AKT3: variants seen among roughly 807,000 people sequenced by gnomAD.
AKT3 encodes AKT serine/threonine kinase 3.
A neutral mutation model predicts 65.3 loss-of-function variants in AKT3; 15 were observed. The ratio of observed to expected loss-of-function variants is 0.23; its 90% CI spans 0.15 to 0.35. The LOEUF (loss-of-function observed/expected upper bound fraction) is 0.35, where lower values mean the gene tolerates loss of function less well. AKT3 is among the 10% of genes least tolerant of loss of function. The pLI, the probability that AKT3 is intolerant of heterozygous loss-of-function variation, is 1.00. For synonymous variants in AKT3, 206 were observed against 183.8 expected (o/e 1.12, Z -0.98); for missense variants, 243 against 576.5 (o/e 0.42, Z 5.92).
intron 13 of AKT3, among the ~76,000 whole-genome samples, chr1:243,491,660 T>C (rs2148281581): frequency 6.6e-6 from 1 of 152,248 alleles, no homozygotes; most frequent in Non-Finnish European, 1.5e-5. Context: ...TGGAATCAGC[T>C]TGAGTTGTGA....
chr1:243,561,425 T>C (rs1178759625), intron 10 of AKT3, among the ~76,000 whole-genome samples: 1 of 152,160 alleles, frequency 6.6e-6, no homozygotes, highest in Non-Finnish European at 1.5e-5. Flanking sequence ...GTTTAAAAAG[T>C]AAAAGTGGGC....
At chr1:243,730,270 C>A (rs1279271140) in intron 2 of AKT3, among the ~76,000 whole-genome samples, 1 of 152,206 alleles carries the variant, frequency 6.6e-6, no homozygotes, top group Non-Finnish European at 1.5e-5. Context: ...GTAAGGACTA[C>A]CCTTAGGAGC....
chr1:243,580,468 C>T (rs913842475), intron 8 of AKT3, among the ~76,000 whole-genome samples: 3 of 152,202 alleles, frequency 2.0e-5, no homozygotes, highest in African/African-American at 7.2e-5. Flanking sequence ...CACATAAAAA[C>T]TCAGCCATTC....
chr1:243,516,985 A>C (rs1670401745), intron 12 of AKT3, among the ~76,000 whole-genome samples: 1 of 152,210 alleles, frequency 6.6e-6, no homozygotes, highest in African/African-American at 2.4e-5. Flanking sequence ...TGTATTTAGT[A>C]CTATAAATTT....
At chr1:243,518,938 GAACA>G (rs757850606) in intron 12 of AKT3, among the ~76,000 whole-genome samples, 47 of 152,122 alleles carry the variant, frequency 3.1e-4, no homozygotes, top group Admixed American at 1.0e-3. Flanking sequence ...ATTGAAGCAA[GAACA>G]AACATGAAAT....
At chr1:243,702,213 A>G (rs116790446) in intron 2 of AKT3, among the ~76,000 whole-genome samples, 4,102 of 152,222 alleles carry the variant, frequency 0.027, 79 homozygotes, top group Middle Eastern at 0.15. Flanking sequence ...TATGTTGTGT[A>G]ACAAAAGGTA....
At chr1:243,742,643 T>G (rs978693806) in intron 2 of AKT3, among the ~76,000 whole-genome samples, 3 of 152,146 alleles carry the variant, frequency 2.0e-5, no homozygotes, top group Non-Finnish European at 4.4e-5. Flanking sequence ...AATAAAACTC[T>G]GATAATCAGA....
At chr1:243,526,235 C>T (rs1046105574) in intron 12 of AKT3, among the ~76,000 whole-genome samples, 1 of 152,128 alleles carries the variant, frequency 6.6e-6, no homozygotes, top group African/African-American at 2.4e-5. Context: ...GAAGCACAAG[C>T]TGGAGCCCAG....
intron 3 of AKT3, among the ~76,000 whole-genome samples, chr1:243,674,233 AT>A (rs1683349415): frequency 6.6e-6 from 1 of 151,154 alleles, no homozygotes; most frequent in Admixed American, 6.6e-5. Flanking sequence ...TAAATAACTA[AT>A]TAAGACTAAA....
At chr1:243,747,025 G>A (rs1466291205) in intron 2 of AKT3, among the ~76,000 whole-genome samples, 1 of 152,144 alleles carries the variant, frequency 6.6e-6, no homozygotes, top group Non-Finnish European at 1.5e-5. Context: ...TGATTCCATT[G>A]GGAGGATGGG....
intron 3 of AKT3, among the ~76,000 whole-genome samples, chr1:243,694,652 C>T (rs768955608): frequency 3.3e-5 from 5 of 151,620 alleles, no homozygotes; most frequent in Non-Finnish European, 5.9e-5. Context: ...CTAATAAGGG[C>T]TAACCTGAAT....
At chr1:243,662,745 A>T in intron 4 of AKT3, among the ~76,000 whole-genome samples, 1 of 152,102 alleles carries the variant, frequency 6.6e-6, no homozygotes, top group Non-Finnish European at 1.5e-5. Context: ...AGAAAAAAAA[A>T]TCAAGTCATA....
intron 12 of AKT3, among the ~76,000 whole-genome samples, chr1:243,533,023 AT>A (rs1348256329): frequency 2.0e-5 from 3 of 151,566 alleles, no homozygotes; most frequent in Non-Finnish European, 4.4e-5. Flanking sequence ...TCAGTATTTC[AT>A]TTTTCTCTTT....
rs1457716484 is a variant in AKT3, at chr1:243,502,781, A to G, written c.*2468T>C. 1 of 233,220 alleles carries G rather than the reference A, an allele frequency of 4.3e-6. No homozygotes were observed. Among genetic ancestry groups the G allele is most frequent in the East Asian group, 6.0e-5 (1 of 16,612 alleles). 14.4% of individuals were successfully genotyped at this position (233,220 alleles called of 1,614,324 possible). ...GAGCCCCAGGCATGGCTGGGAACTG[A>G]GAGCCAGTGTGAGGAGTGGCCCGCC... On this transcript the variant is annotated 3_prime_UTR_variant, in exon 14 of 14. Transcript: ENST00000673466.
At chr1:243,530,677 C>G (rs964248701) in intron 12 of AKT3, among the ~76,000 whole-genome samples, 2 of 151,954 alleles carry the variant, frequency 1.3e-5, no homozygotes, top group Non-Finnish European at 2.9e-5. Flanking sequence ...AAAATCAGAG[C>G]GGAATTGAAG....
intron 12 of AKT3, among the ~76,000 whole-genome samples, chr1:243,534,666 G>T (rs893232183): frequency 1.3e-5 from 2 of 152,106 alleles, no homozygotes; most frequent in Non-Finnish European, 2.9e-5. Context: ...AGACCACAAT[G>T]AAATTAAACT....
intron 2 of AKT3, among the ~76,000 whole-genome samples, chr1:243,728,376 T>C (rs1241915338): frequency 6.6e-6 from 1 of 152,216 alleles, no homozygotes; most frequent in Non-Finnish European, 1.5e-5. Context: ...GTGTACTCCC[T>C]TTCTGTGACA....
intron 4 of AKT3, among the ~76,000 whole-genome samples, chr1:243,654,904 T>A (rs1011102391): frequency 6.6e-6 from 1 of 152,116 alleles, no homozygotes; most frequent in Non-Finnish European, 1.5e-5. Flanking sequence ...CTAATGAGAT[T>A]AGGGATTTTC....
intron 2 of AKT3, among the ~76,000 whole-genome samples, chr1:243,788,470 T>C (rs1691411000): frequency 6.6e-6 from 1 of 152,208 alleles, no homozygotes. Context: ...CTAAGGATAC[T>C]AAAATCCACA....
Sources: allele counts gnomAD v4.1 joint callset (sites outside exome capture counted in the v4.1 genomes callset), GRCh38; gene constraint gnomAD v4.1.1; transcripts MANE v1.5; gene names NCBI Gene and HGNC (gene_info 2026-07-23, HGNC 2026-07-21).